The following KDM4C variants were observed in gnomAD, a reference collection of about 807,000 sequenced individuals.
The protein encoded by KDM4C is lysine-specific demethylase 4C.
Under a neutral mutation model 129.3 loss-of-function variants are expected in KDM4C, and 81 were observed. The observed-to-expected ratio is 0.63, with a 90% CI of 0.52 to 0.75. KDM4C has a LOEUF of 0.75. Among genes scored for constraint, KDM4C ranks in the 30% least tolerant of loss-of-function variants. KDM4C has a pLI of 0.00. For missense variants in KDM4C, 1,457 were observed against 1,304.0 expected (o/e 1.12, Z -1.81); for synonymous variants, 573 against 456.1 (o/e 1.26, Z -3.26).
intron 15 of KDM4C, among the ~76,000 whole-genome samples, chr9:7,027,265 A>T (rs898757438): frequency 1.3e-5 from 2 of 152,218 alleles, no homozygotes; most frequent in Non-Finnish European, 2.9e-5. Context: ...GGACTTGAGC[A>T]TTGTGATCTA....
intron 17 of KDM4C, among the ~76,000 whole-genome samples, chr9:7,078,527 G>A (rs190945640): frequency 9.5e-4 from 145 of 152,082 alleles, no homozygotes; most frequent in Admixed American, 2.8e-3. Flanking sequence ...CTTCAACATG[G>A]AAGGTTCTCT....
chr9:6,960,705 C>G (rs1007755059), intron 8 of KDM4C, among the ~76,000 whole-genome samples: 10 of 152,188 alleles, frequency 6.6e-5, no homozygotes, highest in Admixed American at 5.2e-4. Context: ...TGTCCCATAT[C>G]TGAATGCCCA....
chr9:6,787,670 G>A (rs1237025978), intron 1 of KDM4C, among the ~76,000 whole-genome samples: 2 of 152,198 alleles, frequency 1.3e-5, no homozygotes, highest in Non-Finnish European at 2.9e-5. Context: ...CCAAGCTGCC[G>A]TCTTAACTTG....
chr9:6,938,892 C>T (rs62533827), intron 8 of KDM4C, among the ~76,000 whole-genome samples: 38,870 of 151,850 alleles, frequency 0.26, 5,423 homozygotes, highest in South Asian at 0.4. Flanking sequence ...TTAACTTACT[C>T]ATGTTTCATT....
At chr9:6,932,042 C>T (rs62533774) in intron 8 of KDM4C, among the ~76,000 whole-genome samples, 38,430 of 151,988 alleles carry the variant, frequency 0.25, 5,366 homozygotes, top group South Asian at 0.39. Flanking sequence ...TCATTTGGGC[C>T]GTGACTATTG....
chr9:6,872,119 G>A (rs989451290), intron 5 of KDM4C, among the ~76,000 whole-genome samples: 1 of 152,296 alleles, frequency 6.6e-6, no homozygotes. Flanking sequence ...CCAGCCTATA[G>A]GGAGTGGAAT....
At chr9:6,859,473 CAAAAAAAAAAAA>C (rs58056883) in intron 5 of KDM4C, among the ~76,000 whole-genome samples, 7 of 47,846 alleles carry the variant, frequency 1.5e-4, no homozygotes, top group Non-Finnish European at 2.2e-4. Context: ...GACTCTGTCT[CAAAAAAAAAAAA>C]AAAAAAAAAA....
chr9:6,836,332 A>G (rs1278945513), intron 4 of KDM4C, among the ~76,000 whole-genome samples: 5 of 152,168 alleles, frequency 3.3e-5, no homozygotes, highest in Non-Finnish European at 7.4e-5. Context: ...AGATCATGCC[A>G]TTGCACTCCA....
chr9:6,788,056 G>T (rs1174754585), intron 1 of KDM4C, among the ~76,000 whole-genome samples: 2 of 152,078 alleles, frequency 1.3e-5, no homozygotes, highest in Non-Finnish European at 2.9e-5. Context: ...TGTTCCTTCA[G>T]CCTAAAATGT....
chr9:6,908,333 TGTTACTTAGTGTA>T (rs1291961374), intron 8 of KDM4C, among the ~76,000 whole-genome samples: 1 of 152,216 alleles, frequency 6.6e-6, no homozygotes, highest in African/African-American at 2.4e-5. Flanking sequence ...AATCTCTACA[TGTTACTTAGTGTA>T]GCTGCTGTGC....
intron 5 of KDM4C, among the ~76,000 whole-genome samples, chr9:6,869,603 G>C (rs1399423035): frequency 1.3e-5 from 2 of 152,238 alleles, no homozygotes; most frequent in Non-Finnish European, 1.5e-5. Context: ...CCTAAGGGCA[G>C]TGCTGGAGCT....
chr9:6,747,276 T>G (rs1006106911), intron 1 of KDM4C, among the ~76,000 whole-genome samples: 1 of 151,288 alleles, frequency 6.6e-6, no homozygotes, highest in East Asian at 2.0e-4. Context: ...GGCCGGGCAC[T>G]GTGGCTCCAG....
chr9:6,954,737 G>A (rs1269165832), intron 8 of KDM4C, among the ~76,000 whole-genome samples: 1 of 152,196 alleles, frequency 6.6e-6, no homozygotes, highest in Non-Finnish European at 1.5e-5. Flanking sequence ...ACAATGGAGA[G>A]TGAAAGCCAG....
chr9:7,170,845 C>T, intron 21 of KDM4C: 2 of 779,728 alleles, frequency 2.6e-6, no homozygotes, highest in African/African-American at 3.8e-5. Flanking sequence ...TTTTGCATCC[C>T]TGGGCCATAC....
chr9:6,996,950 G>A (rs1354510615), intron 12 of KDM4C, among the ~76,000 whole-genome samples: 1 of 152,040 alleles, frequency 6.6e-6, no homozygotes, highest in Non-Finnish European at 1.5e-5. Flanking sequence ...TAGAAATAAT[G>A]GCTAATATAA....
chr9:6,974,392 C>T (rs891079816), intron 8 of KDM4C, among the ~76,000 whole-genome samples: 1 of 152,194 alleles, frequency 6.6e-6, no homozygotes, highest in Non-Finnish European at 1.5e-5. Flanking sequence ...CGGAGTCTTA[C>T]TCTGTCGTCC....
chr9:6,976,174 G>C (rs1429243531), intron 8 of KDM4C, among the ~76,000 whole-genome samples: 1 of 152,136 alleles, frequency 6.6e-6, no homozygotes, highest in Admixed American at 6.5e-5. Context: ...TTATGTGTCA[G>C]GCCTAATTAA....
rs147153511 is a variant in KDM4C at position 7,079,202 on chromosome 9, C to T, written c.2425-24483C>T. ...AACAGTTTCAGGCCTGTTGTATTAACTCTTCTATTCAACATGTAATAAAAA... is the reference window on the plus strand; with the variant it reads ...AACAGTTTCAGGCCTGTTGTATTAATTCTTCTATTCAACATGTAATAAAAA... On this transcript the variant is annotated intron_variant, in intron 17 of 21. Coordinates refer to ENST00000381309, the MANE Select transcript of KDM4C (RefSeq NM_015061.6). Among the ~76,000 whole-genome samples the T allele has an allele frequency of 2.4e-3, 365 of 152,306 alleles. 1 individual carries two copies. The highest frequency in any genetic ancestry group is 8.5e-3 in the African/African-American group (354 of 41,576).
chr9:7,109,351 A>G (rs1838058055), intron 18 of KDM4C, among the ~76,000 whole-genome samples: 1 of 152,228 alleles, frequency 6.6e-6, no homozygotes, highest in African/African-American at 2.4e-5. Flanking sequence ...ACTAGGGGAA[A>G]AAAGTAGTTC....
Sources: gnomAD v4.1 joint callset for allele counts (sites outside exome capture counted in the v4.1 genomes callset) on GRCh38, gnomAD v4.1.1 for gene constraint, MANE v1.5 for transcripts, NCBI Gene and HGNC (gene_info 2026-07-23, HGNC 2026-07-21) for gene names.